Variants in SPOCK3 observed in about 807,000 individuals in gnomAD.
SPOCK3 encodes the protein testican-3.
SPOCK3 carries 30 observed loss-of-function variants against 56.6 expected under a neutral mutation model. The ratio of observed to expected loss-of-function variants is 0.53; its 90% CI spans 0.40 to 0.72. The LOEUF is 0.72. SPOCK3 is among the 30% of genes least tolerant of loss of function. The pLI, the probability that SPOCK3 is intolerant of heterozygous loss-of-function variation, is 0.00. For missense variants in SPOCK3, 527 were observed against 530.0 expected (o/e 0.99, Z 0.06); for synonymous variants, 196 against 183.3 (o/e 1.07, Z -0.56).
At chr4:167,145,658 C>T (rs1351387539) in intron 2 of SPOCK3, among the ~76,000 whole-genome samples, 1 of 152,096 alleles carries the variant, frequency 6.6e-6, no homozygotes, top group Admixed American at 6.6e-5. Flanking sequence ...CAATATTCAA[C>T]ACTCTTAAAG....
intron 4 of SPOCK3, among the ~76,000 whole-genome samples, chr4:166,927,939 C>T (rs62352348): frequency 6.6e-6 from 1 of 151,994 alleles, no homozygotes; most frequent in African/African-American, 2.4e-5. Context: ...GACACCTCAC[C>T]AAAGATGATA....
rs533496956 is a variant in SPOCK3 at position 167,139,289 on chromosome 4, A to G, written c.190-76752T>C. Among the ~76,000 whole-genome samples the G allele has an allele frequency of 3.0e-4, 45 of 152,170 alleles. 1 individual carries two copies. The highest frequency in any genetic ancestry group is 3.0e-3 in the Admixed American group (45 of 15,248). On this transcript the variant is annotated intron_variant, in intron 2 of 10. Transcript: ENST00000357545. Reference sequence around the variant, plus strand: ...TTAGAAAATAATTTATGTGCCCATCACTGAATGTTATTTACTCAGCTGAAA... The same window carrying G: ...TTAGAAAATAATTTATGTGCCCATCGCTGAATGTTATTTACTCAGCTGAAA...
At chr4:166,946,840 T>G (rs1370582667) in intron 4 of SPOCK3, among the ~76,000 whole-genome samples, 1 of 152,192 alleles carries the variant, frequency 6.6e-6, no homozygotes, top group Non-Finnish European at 1.5e-5. Flanking sequence ...TATAACAGTA[T>G]CTGGCACATC....
At chr4:167,125,178 G>A (rs1398775660) in intron 2 of SPOCK3, among the ~76,000 whole-genome samples, 3 of 149,852 alleles carry the variant, frequency 2.0e-5, no homozygotes, top group Non-Finnish European at 4.4e-5. Context: ...TTCTTTGTAT[G>A]AGCACAGAGA....
chr4:167,222,197 T>C lies in SPOCK3; in HGVS notation c.189+11788A>G, dbSNP rs567846497. ...AGGATGTTATGCTAACAAAAGCCAG[T>C]CACAAATAGACAAATACTGTTGTTC... On this transcript the variant is annotated intron_variant, in intron 2 of 10. Transcript: ENST00000357545. 2.0e-5 allele frequency among the ~76,000 whole-genome samples: 3 copies of C among 152,016 alleles called. No homozygotes were observed. In the South Asian group the frequency reaches 6.2e-4, roughly 31 times the overall value.
At chr4:166,889,568 C>T (rs1422253831) in intron 5 of SPOCK3, among the ~76,000 whole-genome samples, 2 of 151,910 alleles carry the variant, frequency 1.3e-5, no homozygotes, top group Admixed American at 1.3e-4. Flanking sequence ...TGGAGAGACG[C>T]ATGACATAGA....
chr4:167,053,620 G>C (rs757815207), intron 3 of SPOCK3, among the ~76,000 whole-genome samples: 43 of 152,042 alleles, frequency 2.8e-4, no homozygotes, highest in Admixed American at 5.9e-4. Flanking sequence ...AGGAGGTAGA[G>C]GTTGCAATGA....
chr4:167,049,680 C>A (rs1754024789), intron 3 of SPOCK3, among the ~76,000 whole-genome samples: 1 of 152,054 alleles, frequency 6.6e-6, no homozygotes, highest in African/African-American at 2.4e-5. Flanking sequence ...ATCTAAAAAT[C>A]ATTTATAAAG....
chr4:166,988,742 A>C (rs770272692), intron 4 of SPOCK3, among the ~76,000 whole-genome samples: 3 of 152,106 alleles, frequency 2.0e-5, no homozygotes, highest in Non-Finnish European at 4.4e-5. Flanking sequence ...AGCCTTTTCA[A>C]TTCACATCAA....
chr4:167,021,081 A>G (rs1252042523), intron 3 of SPOCK3, among the ~76,000 whole-genome samples: 1 of 152,114 alleles, frequency 6.6e-6, no homozygotes, highest in African/African-American at 2.4e-5. Context: ...ATAAAATATT[A>G]TTATGCTGTG....
At chr4:166,954,478 G>T (rs927195407) in intron 4 of SPOCK3, among the ~76,000 whole-genome samples, 1 of 151,964 alleles carries the variant, frequency 6.6e-6, no homozygotes, top group South Asian at 2.1e-4. Flanking sequence ...GTTTATTTTT[G>T]TATATATTGA....
chr4:166,825,978 A>G (rs1745426839), intron 6 of SPOCK3, among the ~76,000 whole-genome samples: 1 of 152,048 alleles, frequency 6.6e-6, no homozygotes, highest in Non-Finnish European at 1.5e-5. Context: ...CCAAAATCTC[A>G]GAAATCACCA....
intron 2 of SPOCK3, among the ~76,000 whole-genome samples, chr4:167,211,844 G>A (rs981991933): frequency 2.0e-5 from 3 of 152,156 alleles, no homozygotes; most frequent in Admixed American, 6.5e-5. Context: ...TTTAACAACA[G>A]ACAAAAGCAT....
At chr4:167,231,370 A>G (rs1737161827) in intron 2 of SPOCK3, among the ~76,000 whole-genome samples, 1 of 152,072 alleles carries the variant, frequency 6.6e-6, no homozygotes, top group Non-Finnish European at 1.5e-5. Context: ...ATGCTTTCCA[A>G]GGCTTTTGTA....
chr4:167,151,544 C>A (rs1049818828), intron 2 of SPOCK3, among the ~76,000 whole-genome samples: 5 of 151,998 alleles, frequency 3.3e-5, no homozygotes, highest in Non-Finnish European at 7.4e-5. Context: ...ACGCCATTCT[C>A]CTGCCTCAGC....
intron 7 of SPOCK3, among the ~76,000 whole-genome samples, chr4:166,778,562 T>C (rs1453602380): frequency 6.6e-6 from 1 of 152,132 alleles, no homozygotes; most frequent in Non-Finnish European, 1.5e-5. Flanking sequence ...CCACACAGGA[T>C]TCAATACACA....
intron 6 of SPOCK3, among the ~76,000 whole-genome samples, chr4:166,864,777 G>C (rs1731617115): frequency 6.6e-6 from 1 of 152,024 alleles, no homozygotes; most frequent in Non-Finnish European, 1.5e-5. Flanking sequence ...TTCTGAAATT[G>C]AGGCAGTAAT....
At chr4:166,977,429 TAGGCAAGAA>T (rs60914325) in intron 4 of SPOCK3, among the ~76,000 whole-genome samples, 97,908 of 150,980 alleles carry the variant, frequency 0.65, 33,504 homozygotes, top group East Asian at 0.84. Context: ...AATTATTAAG[TAGGCAAGAA>T]AGGCAAGAAA....
chr4:166,745,504 G>C (rs1007330158), intron 8 of SPOCK3, among the ~76,000 whole-genome samples: 1 of 152,130 alleles, frequency 6.6e-6, no homozygotes, highest in Admixed American at 6.5e-5. Context: ...AACATGGAAA[G>C]GAACAACCAG....
Sources: gnomAD v4.1 joint callset for allele counts (sites outside exome capture counted in the v4.1 genomes callset) on GRCh38, gnomAD v4.1.1 for gene constraint, MANE v1.5 for transcripts, NCBI Gene and HGNC (gene_info 2026-07-23, HGNC 2026-07-21) for gene names.